DNER: variants seen among roughly 807,000 people sequenced by gnomAD.
DNER encodes delta and Notch-like epidermal growth factor-related receptor.
Under a neutral mutation model 78.2 loss-of-function variants are expected in DNER, and 33 were observed. That is an observed-to-expected ratio of 0.42 (90% CI 0.32 to 0.56). DNER has a LOEUF of 0.56. Ranked by LOEUF, DNER falls within the 20% of genes least tolerant of loss-of-function variation. The pLI is 0.11. For missense variants in DNER, 918 were observed against 975.3 expected (o/e 0.94, Z 0.78); for synonymous variants, 417 against 384.8 (o/e 1.08, Z -0.98).
At chr2:229,676,617 C>A (rs570419363) in intron 1 of DNER, among the ~76,000 whole-genome samples, 3 of 152,318 alleles carry the variant, frequency 2.0e-5, no homozygotes, top group East Asian at 3.9e-4. Context: ...GCCACTTCAA[C>A]AAGGTCCTCC....
intron 5 of DNER, among the ~76,000 whole-genome samples, chr2:229,540,047 A>G (rs1419654819): frequency 6.6e-6 from 1 of 152,214 alleles, no homozygotes; most frequent in Non-Finnish European, 1.5e-5. Flanking sequence ...TAATGAATAT[A>G]AAGACATATA....
chr2:229,684,905 T>C (rs1699458723), intron 1 of DNER, among the ~76,000 whole-genome samples: 1 of 152,230 alleles, frequency 6.6e-6, no homozygotes, highest in Admixed American at 6.5e-5. Context: ...AGAATTATAA[T>C]GAGAATCAGT....
intron 4 of DNER, among the ~76,000 whole-genome samples, chr2:229,583,274 A>G (rs1697433456): frequency 6.6e-6 from 1 of 152,210 alleles, no homozygotes; most frequent in South Asian, 2.1e-4. Context: ...TCAAAAATGC[A>G]TGTAATGCAC....
chr2:229,643,952 C>T (rs1036941027), intron 1 of DNER, among the ~76,000 whole-genome samples: 4 of 152,104 alleles, frequency 2.6e-5, no homozygotes, highest in South Asian at 2.1e-4. Flanking sequence ...GTAAGAACCA[C>T]GCAAATGCCC....
intron 1 of DNER, among the ~76,000 whole-genome samples, chr2:229,623,690 G>C (rs555391008): frequency 1.6e-4 from 24 of 152,186 alleles, no homozygotes; most frequent in Non-Finnish European, 3.4e-4. Flanking sequence ...CTGGGAGGTG[G>C]GCACAGAGCT....
At position 229,366,889 on chromosome 2, in the gene DNER, A is replaced by C; in HGVS notation, c.2086T>G (p.Ser696Ala). ...ACAGCCAACCTGGCATGCCGGATGG[A>C]TGCAATGGCATTGCTGAACTCGCTG... Reference protein sequence around the residue: ...IDSEFSNAIASIRHARFGKKS... With the variant: ...IDSEFSNAIAAIRHARFGKKS... Residue 696 changes from serine (S) to alanine (A), a missense_variant, in exon 12 of 13, where the codon TCC (serine) becomes GCC (alanine). Ser to Ala is a moderately conservative substitution (Grantham distance 99, BLOSUM62 1). Transcript: ENST00000341772. 5.0e-6 allele frequency: 8 copies of C among 1,614,208 alleles called. No homozygotes were observed. Among genetic ancestry groups the C allele is most frequent in the Non-Finnish European group, 6.8e-6 (8 of 1,180,040 alleles).
chr2:229,506,483 T>C (rs190443725), intron 6 of DNER, among the ~76,000 whole-genome samples: 49 of 151,828 alleles, frequency 3.2e-4, no homozygotes, highest in African/African-American at 9.2e-4. Flanking sequence ...TCAAAGTTCA[T>C]ATATTTGTAA....
At chr2:229,523,657 G>A (rs1696147458) in intron 5 of DNER, among the ~76,000 whole-genome samples, 1 of 152,226 alleles carries the variant, frequency 6.6e-6, no homozygotes, top group African/African-American at 2.4e-5. Context: ...CAGGAGGACA[G>A]AATTCAAACC....
intron 11 of DNER, among the ~76,000 whole-genome samples, chr2:229,373,582 G>A (rs772314511): frequency 5.3e-5 from 8 of 152,180 alleles, no homozygotes; most frequent in Non-Finnish European, 7.3e-5. Flanking sequence ...TCTCATTACT[G>A]GGTATGTATC....
At chr2:229,592,403 ATACTGTAC>A (rs1451678503) in intron 1 of DNER, among the ~76,000 whole-genome samples, 1 of 152,230 alleles carries the variant, frequency 6.6e-6, no homozygotes, top group Non-Finnish European at 1.5e-5. Context: ...TTTTAAGGTG[ATACTGTAC>A]TATTTAATTA....
chr2:229,600,438 A>G (rs1163873638), intron 1 of DNER, among the ~76,000 whole-genome samples: 1 of 152,216 alleles, frequency 6.6e-6, no homozygotes, highest in African/African-American at 2.4e-5. Flanking sequence ...AGACTTCAAA[A>G]AAGAAAACTA....
Position 229,714,316 on chromosome 2 carries a change from C to A in DNER, c.108G>T (p.Pro36=). The change falls in exon 1 of 13, where the codon CCG becomes CCT. Residue 36 remains proline, a synonymous_variant. Coordinates refer to ENST00000341772, the MANE Select transcript of DNER (RefSeq NM_139072.4). ...AGPRGSSLAN[P]VPAAPLSAPG... is the part of the protein sequence containing the mutation. Reference sequence around the variant, plus strand: ...GCGCAGACAGGGGCGCGGCGGGCACCGGGTTGGCCAGGGAGCTGCCTCGGG... The same window carrying A: ...GCGCAGACAGGGGCGCGGCGGGCACAGGGTTGGCCAGGGAGCTGCCTCGGG... 1 of 1,289,798 alleles carries A rather than the reference C, an allele frequency of 7.8e-7. No individual in the cohort carries two copies. The highest frequency in any genetic ancestry group is 2.5e-5 in the South Asian group (1 of 39,852). The allele number at this position is 1,289,798 out of a possible 1,614,324, so 79.9% of individuals were successfully genotyped here.
chr2:229,529,280 A>C (rs1253070663), intron 5 of DNER, among the ~76,000 whole-genome samples: 3 of 152,108 alleles, frequency 2.0e-5, no homozygotes, highest in Admixed American at 2.0e-4. Flanking sequence ...AATCAATGAA[A>C]ATAATTCAAG....
intron 7 of DNER, among the ~76,000 whole-genome samples, chr2:229,472,333 TG>T (rs1694941145): frequency 6.6e-6 from 1 of 152,202 alleles, no homozygotes; most frequent in African/African-American, 2.4e-5. Flanking sequence ...TGACCAGCTG[TG>T]CTCTCCAGAA....
At chr2:229,516,508 C>T (rs1483510320) in intron 5 of DNER, among the ~76,000 whole-genome samples, 1 of 152,134 alleles carries the variant, frequency 6.6e-6, no homozygotes, top group African/African-American at 2.4e-5. Flanking sequence ...TGTATAAGTA[C>T]ACGGAAATGT....
At chr2:229,439,778 G>A (rs1694195554) in intron 8 of DNER, among the ~76,000 whole-genome samples, 3 of 152,278 alleles carry the variant, frequency 2.0e-5, no homozygotes, top group South Asian at 2.1e-4. Flanking sequence ...GCTGCAAAAC[G>A]AGCTGTCCTC....
At chr2:229,472,807 T>C (rs894729316) in intron 7 of DNER, among the ~76,000 whole-genome samples, 3 of 152,218 alleles carry the variant, frequency 2.0e-5, no homozygotes, top group African/African-American at 4.8e-5. Context: ...AACCAGAATC[T>C]GAAGCTACAC....
In DNER at chr2:229,578,455, G is replaced by A. The variant is rs1697339920; in HGVS notation, c.847+7403C>T. Among the ~76,000 whole-genome samples, 5 of 152,304 alleles carry A rather than the reference G, an allele frequency of 3.3e-5. No homozygotes were observed. In the South Asian group the frequency reaches 6.2e-4, roughly 19 times the overall value. ...TTCGTCAAGAAATGGCTGAGACAAA[G>A]GAATACACATCTAGAGACTTGATGC... On this transcript the variant is annotated intron_variant, in intron 4 of 12. Coordinates refer to ENST00000341772, the MANE Select transcript of DNER (RefSeq NM_139072.4).
chr2:229,703,343 C>CA (rs1329082072), intron 1 of DNER, among the ~76,000 whole-genome samples: 101 of 149,888 alleles, frequency 6.7e-4, no homozygotes, highest in African/African-American at 2.0e-3. Context: ...CATTTGTAAG[C>CA]AAAAAAAAAG....
Sources: allele counts gnomAD v4.1 joint callset (sites outside exome capture counted in the v4.1 genomes callset), GRCh38; gene constraint gnomAD v4.1.1; transcripts MANE v1.5; gene names NCBI Gene and HGNC (gene_info 2026-07-23, HGNC 2026-07-21).